Variants in GPATCH2 observed in about 807,000 individuals in gnomAD.
GPATCH2 encodes the protein G patch domain-containing protein 2.
Under a neutral mutation model 58.0 loss-of-function variants are expected in GPATCH2, and 51 were observed. The observed-to-expected ratio is 0.88, with a 90% CI of 0.70 to 1.11. GPATCH2 has a LOEUF of 1.11. GPATCH2 is among the 50% of genes most tolerant of loss of function. GPATCH2 has a pLI of 0.00. For synonymous variants in GPATCH2, 222 were observed against 218.5 expected, an observed-to-expected ratio of 1.02 and a Z score of -0.14; for missense variants, 625 against 652.2, an observed-to-expected ratio of 0.96 and a Z score of 0.45.
chr1:217,507,471 C>G (rs1662619109), intron 6 of GPATCH2, among the ~76,000 whole-genome samples: 1 of 152,158 alleles, frequency 6.6e-6, no homozygotes. Flanking sequence ...GATACAGGCT[C>G]TGGAACTTAC....
chr1:217,554,898 T>C (rs551569020), intron 5 of GPATCH2, among the ~76,000 whole-genome samples: 1 of 152,196 alleles, frequency 6.6e-6, no homozygotes, highest in Admixed American at 6.5e-5. Flanking sequence ...TGCAAAATAG[T>C]TGGAAAATTT....
At position 217,505,334 on chromosome 1, in the gene GPATCH2, A is replaced by G. The variant is rs1183992830; in HGVS notation, c.1167-6939T>C. On this transcript the variant is annotated intron_variant, in intron 6 of 9. Transcript: ENST00000366935. ...TACAGTGCTCTTTCAAGTACAGTAG[A>G]GCAGTTGTGGTTGGTAACCCTGTGG... 3.3e-5 allele frequency among the ~76,000 whole-genome samples: 5 copies of G among 152,176 alleles called. No homozygotes were observed. The South Asian group carries it at 8.3e-4, about 25-fold the overall frequency.
intron 9 of GPATCH2, among the ~76,000 whole-genome samples, chr1:217,436,820 T>C (rs1658856699): frequency 6.6e-6 from 1 of 152,056 alleles, no homozygotes; most frequent in Non-Finnish European, 1.5e-5. Flanking sequence ...AGCTAAAGAG[T>C]ACCCCAGTTA....
At chr1:217,539,872 A>G (rs578238858) in intron 5 of GPATCH2, among the ~76,000 whole-genome samples, 2 of 146,836 alleles carry the variant, frequency 1.4e-5, no homozygotes, top group South Asian at 4.5e-4. Flanking sequence ...ATTGTTTTAC[A>G]ATTTATTTAT....
intron 5 of GPATCH2, among the ~76,000 whole-genome samples, chr1:217,589,856 A>G (rs919059177): frequency 1.3e-5 from 2 of 152,154 alleles, no homozygotes; most frequent in Admixed American, 6.6e-5. Context: ...AGGGAAAATA[A>G]TATCTTTACA....
At chr1:217,609,525 C>G (rs1158693093) in intron 5 of GPATCH2, 1 of 983,782 alleles carries the variant, frequency 1.0e-6, no homozygotes, top group Non-Finnish European at 1.2e-6. Context: ...GAAAGCTATA[C>G]TATAAAATAC....
chr1:217,613,057 C>T (rs922725636), intron 3 of GPATCH2, among the ~76,000 whole-genome samples: 4 of 151,732 alleles, frequency 2.6e-5, no homozygotes, highest in African/African-American at 7.3e-5. Context: ...TATTTCATAA[C>T]CAATATCAGC....
At chr1:217,605,850 T>A (rs913582797) in intron 5 of GPATCH2, among the ~76,000 whole-genome samples, 3 of 152,214 alleles carry the variant, frequency 2.0e-5, no homozygotes, top group African/African-American at 7.2e-5. Context: ...ATCATTATTC[T>A]GAGAAATATT....
chr1:217,607,225 C>T (rs941018338), intron 5 of GPATCH2, among the ~76,000 whole-genome samples: 2 of 152,170 alleles, frequency 1.3e-5, no homozygotes, highest in Non-Finnish European at 2.9e-5. Flanking sequence ...GTAACATGTA[C>T]AGAGCAGTGA....
At chr1:217,520,326 A>C (rs1441580493) in intron 5 of GPATCH2, among the ~76,000 whole-genome samples, 1 of 152,232 alleles carries the variant, frequency 6.6e-6, no homozygotes, top group Non-Finnish European at 1.5e-5. Flanking sequence ...TAGAGAGTTC[A>C]AAACTGTTGT....
intron 8 of GPATCH2, among the ~76,000 whole-genome samples, chr1:217,476,389 C>A (rs564952831): frequency 6.6e-6 from 1 of 152,040 alleles, no homozygotes; most frequent in African/African-American, 2.4e-5. Context: ...ACTATCTACA[C>A]AAAGAAAGCT....
chr1:217,530,585 A>G (rs938369190), intron 5 of GPATCH2, among the ~76,000 whole-genome samples: 2 of 152,194 alleles, frequency 1.3e-5, no homozygotes, highest in East Asian at 3.9e-4. Flanking sequence ...TCATGCCATC[A>G]AAGATGTTTA....
In GPATCH2 at chr1:217,601,882, T is replaced by C. The variant is rs75845502; in HGVS notation, c.1098+8439A>G. On this transcript the variant is annotated intron_variant, in intron 5 of 9. Coordinates refer to ENST00000366935, the MANE Select transcript of GPATCH2 (RefSeq NM_018040.5). ...AATGTAAGCTTCAAGAGATCGTATC[T>C]AACTTGTTCATCACTAACACCCAAG... Among the ~76,000 whole-genome samples the C allele has an allele frequency of 4.1e-3, 629 of 152,308 alleles. 19 individuals carry two copies. The East Asian group carries it at 0.078, about 19-fold the overall frequency.
chr1:217,464,379 C>T (rs1292147119), intron 8 of GPATCH2, among the ~76,000 whole-genome samples: 1 of 151,976 alleles, frequency 6.6e-6, no homozygotes, highest in Non-Finnish European at 1.5e-5. Flanking sequence ...GCAAATGGCC[C>T]CAAGCACAGG....
At chr1:217,457,036 G>A (rs10495058) in intron 8 of GPATCH2, among the ~76,000 whole-genome samples, 14,558 of 152,114 alleles carry the variant, frequency 0.096, 1,327 homozygotes, top group African/African-American at 0.24. Context: ...AGCACGCAAT[G>A]AAAGATACAA....
At chr1:217,591,882 T>G (rs1667609189) in intron 5 of GPATCH2, among the ~76,000 whole-genome samples, 1 of 152,074 alleles carries the variant, frequency 6.6e-6, no homozygotes, top group African/African-American at 2.4e-5. Context: ...GAAGTACACA[T>G]AAGTCAGATT....
At chr1:217,623,640 G>A (rs921777107) in intron 1 of GPATCH2, among the ~76,000 whole-genome samples, 9 of 152,092 alleles carry the variant, frequency 5.9e-5, no homozygotes, top group African/African-American at 1.7e-4. Flanking sequence ...GGTGGCTCAC[G>A]CCTGTAATCC....
chr1:217,431,347 G>T lies in GPATCH2; in HGVS notation c.1385C>A (p.Ala462Asp). ...AATATTATTTTCTAGGATTGGCTGG[G>T]CATTTTCACCTACAAATCCTGAAAT... ...PTTAGFVGEN[A>D]QPILENNIGN... Residue 462 changes from alanine (A) to aspartate (D), a missense_variant, in exon 10 of 10, where the codon GCC (alanine) becomes GAC (aspartate). Physicochemically the swap from Ala to Asp is moderately radical, Grantham distance 126. Coordinates refer to ENST00000366935, the MANE Select transcript of GPATCH2 (RefSeq NM_018040.5). 1 of 1,588,790 alleles carries T rather than the reference G, an allele frequency of 6.3e-7. No individual in the cohort carries two copies.
At chr1:217,561,047 T>C (rs1017758617) in intron 5 of GPATCH2, among the ~76,000 whole-genome samples, 6 of 152,222 alleles carry the variant, frequency 3.9e-5, no homozygotes, top group Admixed American at 2.6e-4. Context: ...GTTTTGATAA[T>C]GTGAGTAATT....
Sources: allele counts gnomAD v4.1 joint callset (sites outside exome capture counted in the v4.1 genomes callset), GRCh38; gene constraint gnomAD v4.1.1; transcripts MANE v1.5; gene names NCBI Gene and HGNC (gene_info 2026-07-23, HGNC 2026-07-21).